Variants in ADGRE3 observed in about 807,000 individuals in gnomAD.
ADGRE3 encodes the protein adhesion G protein-coupled receptor E3, also known as EGF-like module receptor 3.
In ADGRE3, 88 loss-of-function variants were observed where a neutral mutation model predicts 80.1. That is an observed-to-expected ratio of 1.10 (90% confidence interval 0.93 to 1.31). The LOEUF (loss-of-function observed/expected upper bound fraction) is 1.31, where lower values mean the gene tolerates loss of function less well. Among genes scored for constraint, ADGRE3 ranks in the 40% most tolerant of loss-of-function variants. ADGRE3 has a pLI of 0.00. For synonymous variants in ADGRE3, 281 were observed against 294.8 expected (o/e 0.95, Z 0.48); for missense variants, 715 against 776.5 (o/e 0.92, Z 0.94).
chr19:14,644,025 T>C, intron 9 of ADGRE3, 83 bp downstream of exon 9: 1 of 985,458 alleles, frequency 1.0e-6, no homozygotes, highest in Non-Finnish European at 1.3e-6. Flanking sequence ...TTCAGTTTTT[T>C]TTTTTTTTTT....
chr19:14,619,142 AG>A lies in ADGRE3; in HGVS notation c.*290del. ...TAGGATGAGTGGGACTAAGAACTTG[AG>A]GAAAAGGACCTCTTCATTTACAAAA... On this transcript the variant is annotated 3_prime_UTR_variant, in exon 16 of 16. Transcript: ENST00000253673. 2.6e-6 allele frequency: 1 copy of A among 382,256 alleles called. No homozygotes were observed. The highest frequency in any genetic ancestry group is 2.7e-5 in the South Asian group (1 of 36,750). 23.7% of individuals were successfully genotyped at this position (382,256 alleles called of 1,614,324 possible). A position where few individuals can be genotyped will look rare whatever the true frequency, so the allele number is the denominator to read the frequency against.
chr19:14,632,418 C>T (rs1173108881), intron 13 of ADGRE3, among the ~76,000 whole-genome samples: 1 of 152,110 alleles, frequency 6.6e-6, no homozygotes, highest in East Asian at 1.9e-4. Context: ...AGTTTTAAAA[C>T]AAGGCACATG....
intron 13 of ADGRE3, among the ~76,000 whole-genome samples, chr19:14,631,673 A>T (rs1263025302): frequency 3.3e-5 from 5 of 152,002 alleles, no homozygotes; most frequent in African/African-American, 1.2e-4. Context: ...TATTACATGC[A>T]TATATACATT....
downstream of ADGRE3, among the ~76,000 whole-genome samples, chr19:14,618,470 C>G (rs2075096026): frequency 6.6e-6 from 1 of 152,026 alleles, no homozygotes; most frequent in Admixed American, 6.6e-5. Context: ...AGGAGAATTG[C>G]TTGAACCCAG....
chr19:14,623,684 C>A (rs1167654219), intron 15 of ADGRE3, among the ~76,000 whole-genome samples: 1 of 152,188 alleles, frequency 6.6e-6, no homozygotes, highest in African/African-American at 2.4e-5. Flanking sequence ...TCTGTGGGCC[C>A]ACATCCACAT....
At chr19:14,616,619 C>A (rs115126763), downstream of ADGRE3, among the ~76,000 whole-genome samples, 1 of 151,552 alleles carries the variant, frequency 6.6e-6, no homozygotes, top group Non-Finnish European at 1.5e-5. Flanking sequence ...GTTGACCCAG[C>A]GGTCAAGTTT....
chr19:14,620,459 TATATGAATATATTATGAGTAC>T (rs909016195), intron 15 of ADGRE3, among the ~76,000 whole-genome samples: 3 of 136,748 alleles, frequency 2.2e-5, no homozygotes, highest in Non-Finnish European at 4.7e-5. Flanking sequence ...TATATATGAA[TATATGAATATATTATGAGTAC>T]ATATGAATAT....
rs1392028554 is a variant in ADGRE3 at position 14,632,434 on chromosome 19, G to A, written c.1643+487C>T. Among the ~76,000 whole-genome samples the A allele has an allele frequency of 2.0e-5, 3 of 152,216 alleles. No individual in the cohort carries two copies. In the East Asian group the frequency reaches 5.8e-4, roughly 29 times the overall value. On this transcript the variant is annotated intron_variant, in intron 13 of 15. Coordinates refer to ENST00000253673, the MANE Select transcript of ADGRE3 (RefSeq NM_032571.5). ...GTTTTAAAACAAGGCACATGGTCAA[G>A]GTAGAGACTACATTTCCCAGCCTCC...
chr19:14,603,571 T>C, the ADGRE3 span, among the ~76,000 whole-genome samples: 2 of 152,062 alleles, frequency 1.3e-5, no homozygotes, highest in African/African-American at 4.8e-5. Flanking sequence ...GCAATCCTCC[T>C]GATTTAGCCT....
rs773965990 is a variant in ADGRE3, at chr19:14,674,778, G to C, written c.-8C>G. ...AAGCAATGGTCCCTGCATTTCTGTGGTACGGGTATCCCACGCCAGCCAGCC... is the reference window on the plus strand; with the variant it reads ...AAGCAATGGTCCCTGCATTTCTGTGCTACGGGTATCCCACGCCAGCCAGCC... On this transcript the variant is annotated 5_prime_UTR_variant, in exon 1 of 16. Transcript: ENST00000253673. The C allele has an allele frequency of 6.2e-7, 1 of 1,613,806 alleles. No homozygotes were observed. Among genetic ancestry groups the C allele is most frequent in the Admixed American group, 1.7e-5 (1 of 59,976 alleles).
chr19:14,631,110 A>T (rs1970870099), intron 13 of ADGRE3, among the ~76,000 whole-genome samples: 1 of 151,582 alleles, frequency 6.6e-6, no homozygotes, highest in South Asian at 2.1e-4. Flanking sequence ...GACCTCAAAT[A>T]ATCCACCTGC....
the ADGRE3 span, among the ~76,000 whole-genome samples, chr19:14,601,937 C>T: frequency 1.5e-4 from 23 of 152,044 alleles, no homozygotes; most frequent in Non-Finnish European, 2.2e-4. Context: ...GGACTACAGG[C>T]GCCCGCCACC....
At chr19:14,608,505 C>T in the ADGRE3 span, among the ~76,000 whole-genome samples, 3 of 152,084 alleles carry the variant, frequency 2.0e-5, no homozygotes, top group East Asian at 3.9e-4. Flanking sequence ...GCTGTCTGGA[C>T]CCTGAACCTT....
chr19:14,640,884 GC>G (rs1199435605), intron 10 of ADGRE3, among the ~76,000 whole-genome samples: 3 of 152,104 alleles, frequency 2.0e-5, no homozygotes, highest in Non-Finnish European at 4.4e-5. Flanking sequence ...TGTAAGAAGT[GC>G]CTTTCGCCTC....
chr19:14,647,370 G>A lies in ADGRE3; in HGVS notation c.698-5C>T. On this transcript the variant is annotated splice_polypyrimidine_tract_variant and splice_region_variant and intron_variant, in intron 7 of 15. Transcript: ENST00000253673. ...TAAAGGCAATGGCACTGGGACCTGA[G>A]GAAACAGAAAGATGGAATCTTTTTT... 1 of 1,555,766 alleles carries A rather than the reference G, an allele frequency of 6.4e-7. No individual in the cohort carries two copies. Among genetic ancestry groups the A allele is most frequent in the Non-Finnish European group, 8.7e-7 (1 of 1,147,024 alleles).
intron 4 of ADGRE3, among the ~76,000 whole-genome samples, chr19:14,660,299 A>G (rs767870317): frequency 6.6e-6 from 1 of 152,184 alleles, no homozygotes; most frequent in African/African-American, 2.4e-5. Flanking sequence ...GTCTGCTTCT[A>G]CACTGTCAAT....
chr19:14,662,141 G>A (rs1292222604), intron 3 of ADGRE3, 23 bp from the exon 4 acceptor site: 1 of 1,611,984 alleles, frequency 6.2e-7, no homozygotes, highest in African/African-American at 1.3e-5. Flanking sequence ...GAAGCAATTG[G>A]GTCATTCATT....
At chr19:14,619,594 G>T in intron 15 of ADGRE3, 123 bp from the exon 16 acceptor site, 1 of 733,844 alleles carries the variant, frequency 1.4e-6, no homozygotes, top group Non-Finnish European at 2.4e-6. Context: ...GGCAAGGATG[G>T]CATGATCTCC....
At position 14,662,065 on chromosome 19, in the gene ADGRE3, A is replaced by G; in HGVS notation, c.253T>C (p.Cys85Arg). The G allele has an allele frequency of 6.2e-7, 1 of 1,614,144 alleles. No individual in the cohort carries two copies. Among genetic ancestry groups the G allele is most frequent in the Non-Finnish European group, 8.5e-7 (1 of 1,179,976 alleles). Residue 85 changes from cysteine to arginine, a missense_variant, in exon 4 of 16, where the codon TGT becomes CGT. Cys to Arg is a radical substitution (Grantham distance 180). Coordinates refer to ENST00000253673, the MANE Select transcript of ADGRE3 (RefSeq NM_032571.5). ...YSVYCGFNAV[C>R]YNVEGSFYCQ... ...TAGAAACTTCCTTCGACATTGTAAC[A>G]CACAGCGTTAAATCCACAATATACA...
Sources: allele counts gnomAD v4.1 joint callset (sites outside exome capture counted in the v4.1 genomes callset), GRCh38; gene constraint gnomAD v4.1.1; transcripts MANE v1.5; gene names NCBI Gene and HGNC (gene_info 2026-07-23, HGNC 2026-07-21).